Variants in GABPB1 observed in about 807,000 individuals in gnomAD.
GABPB1 encodes the protein GA binding protein transcription factor subunit beta 1.
In GABPB1, 15 loss-of-function variants were observed where a neutral mutation model predicts 45.9. The observed-to-expected ratio is 0.33, with a 90% CI of 0.22 to 0.50. GABPB1 has a LOEUF of 0.50. GABPB1 is among the 20% of genes least tolerant of loss of function. The probability of loss-of-function intolerance (pLI) is 0.98; values close to 1 mark genes in which losing one functional copy is unlikely to be tolerated. For missense variants in GABPB1, 252 were observed against 457.5 expected (o/e 0.55, Z 4.10); for synonymous variants, 143 against 154.4 (o/e 0.93, Z 0.55).
intron 1 of GABPB1, among the ~76,000 whole-genome samples, chr15:50,341,872 A>G (rs183987401): frequency 6.1e-4 from 93 of 152,288 alleles, no homozygotes; most frequent in Non-Finnish European, 4.4e-5. Flanking sequence ...GTTAATTCTG[A>G]CTATACAGTA....
intron 1 of GABPB1, among the ~76,000 whole-genome samples, chr15:50,325,742 A>G (rs1374955976): frequency 2.6e-5 from 4 of 151,810 alleles, no homozygotes; most frequent in Non-Finnish European, 5.9e-5. Context: ...CCTGTTAGCC[A>G]GGATGGTCTC....
rs1036927943 is a variant in GABPB1 at position 50,278,442 on chromosome 15, A to C, written c.*190T>G. Reference sequence around the variant, plus strand: ...AAAACTATTTACAGAATTCAGTTTTAAATACATTTCACAACTTCTAAAGTA... The same window carrying C: ...AAAACTATTTACAGAATTCAGTTTTCAATACATTTCACAACTTCTAAAGTA... On this transcript the variant is annotated 3_prime_UTR_variant, in exon 9 of 9. Coordinates refer to ENST00000380877, the MANE Select transcript of GABPB1 (RefSeq NM_016654.5). 2 of 400,026 alleles carry C rather than the reference A, an allele frequency of 5.0e-6. No homozygotes were observed. Among genetic ancestry groups the C allele is most frequent in the Non-Finnish European group, 8.7e-6 (2 of 228,788 alleles). 24.8% of individuals were successfully genotyped at this position (400,026 alleles called of 1,614,324 possible). A position where few individuals can be genotyped will look rare whatever the true frequency, so the allele number is the denominator to read the frequency against.
At chr15:50,331,403 AT>A (rs2047943458) in intron 1 of GABPB1, among the ~76,000 whole-genome samples, 1 of 152,184 alleles carries the variant, frequency 6.6e-6, no homozygotes, top group African/African-American at 2.4e-5. Context: ...TTAACCAGAG[AT>A]TATTTGACTA....
intron 1 of GABPB1, chr15:50,354,681 G>A (rs901272790): frequency 1.5e-4 from 61 of 414,932 alleles, no homozygotes; most frequent in Non-Finnish European, 2.3e-4. Context: ...GGGTAGCCGC[G>A]AGGCGGCCGC....
chr15:50,294,382 C>A (rs1396993825), intron 6 of GABPB1, among the ~76,000 whole-genome samples: 1 of 152,000 alleles, frequency 6.6e-6, no homozygotes, highest in East Asian at 1.9e-4. Flanking sequence ...GGCGTGGTGG[C>A]ACGTGCCTGT....
intron 3 of GABPB1, 94 bp downstream of exon 3, chr15:50,303,872 A>G (rs2046845196): frequency 6.5e-6 from 6 of 922,926 alleles, no homozygotes; most frequent in African/African-American, 1.7e-5. Context: ...TATAGATAAA[A>G]TACTAAGTAG....
chr15:50,292,591 A>T (rs2046386754), intron 6 of GABPB1, among the ~76,000 whole-genome samples: 1 of 152,206 alleles, frequency 6.6e-6, no homozygotes. Flanking sequence ...GGAGGTTACA[A>T]AAATTCACTG....
intron 8 of GABPB1, among the ~76,000 whole-genome samples, chr15:50,281,039 C>T (rs1379461181): frequency 1.3e-5 from 2 of 152,144 alleles, no homozygotes; most frequent in Non-Finnish European, 2.9e-5. Context: ...TCAAGAAGTA[C>T]AATTTATCTT....
chr15:50,278,880 AGTAGCT>A, intron 8 of GABPB1, 96 bp from the exon 9 acceptor site: 3 of 945,880 alleles, frequency 3.2e-6, no homozygotes, highest in Non-Finnish European at 4.5e-6. Flanking sequence ...AAAAAACCGT[AGTAGCT>A]AAAAGCAGCC....
intron 1 of GABPB1, chr15:50,352,593 C>G (rs1012609458): frequency 1.3e-5 from 2 of 152,242 alleles, no homozygotes; most frequent in African/African-American, 4.8e-5. Context: ...GCCTCCACCT[C>G]CCCAAGTGCT....
At chr15:50,335,392 C>T (rs1377797254) in intron 1 of GABPB1, among the ~76,000 whole-genome samples, 1 of 152,150 alleles carries the variant, frequency 6.6e-6, no homozygotes, top group Non-Finnish European at 1.5e-5. Context: ...CACCTCACCC[C>T]ATAAGACTGA....
rs72023851 is a variant in GABPB1 at position 50,292,992 on chromosome 15, T to TAA, written c.698-3326_698-3325dup. Among the ~76,000 whole-genome samples, 889 of 149,510 alleles carry TAA rather than the reference T, an allele frequency of 5.9e-3. 8 individuals carry two copies. Among genetic ancestry groups the TAA allele is most frequent in the African/African-American group, 0.02 (823 of 40,930 alleles). On this transcript the variant is annotated intron_variant, in intron 6 of 8. Coordinates refer to ENST00000380877, the MANE Select transcript of GABPB1 (RefSeq NM_016654.5). ...TGTGGGTTTGAAAACTGTCTACATA[T>TAA]AAAAAAAAAATTATAACTAGTTCAA...
intron 6 of GABPB1, among the ~76,000 whole-genome samples, chr15:50,296,001 T>C (rs542751947): frequency 6.6e-5 from 10 of 152,208 alleles, no homozygotes; most frequent in Non-Finnish European, 1.3e-4. Context: ...AAAATGGTAC[T>C]AACGTCATTT....
intron 1 of GABPB1, among the ~76,000 whole-genome samples, chr15:50,337,075 GTATATATATA>G (rs869106382): frequency 1.5e-3 from 21 of 14,178 alleles, no homozygotes; most frequent in Admixed American, 3.8e-3. Flanking sequence ...ATATGTGTGT[GTATATATATA>G]TATATATATA....
Position 50,278,799 on chromosome 15 carries a change from A to AC in GABPB1, c.1000-16_1000-15insG, listed in dbSNP as rs1555505612. The AC allele has an allele frequency of 1.3e-6, 2 of 1,493,450 alleles. No individual in the cohort carries two copies. The highest frequency in any genetic ancestry group is 1.8e-6 in the Non-Finnish European group (2 of 1,131,154). 92.5% of individuals were successfully genotyped at this position (1,493,450 alleles called of 1,614,324 possible). A position where few individuals can be genotyped will look rare whatever the true frequency, so the allele number is the denominator to read the frequency against. The stretch of plus-strand genomic sequence containing the variant: ...GCTTCTCTCTCCTAATTAAAAGAAG[A>AC]GGGTTTTTTTTTTAATTTTTGCAAA... On this transcript the variant is annotated splice_polypyrimidine_tract_variant and intron_variant, in intron 8 of 8. Coordinates refer to ENST00000380877, the MANE Select transcript of GABPB1 (RefSeq NM_016654.5).
Position 50,351,009 on chromosome 15 carries a change from C to T in GABPB1, c.-1+3976G>A, listed in dbSNP as rs145910668. On this transcript the variant is annotated intron_variant, in intron 1 of 8. Transcript: ENST00000380877. ...CTCATGATCAAGGTCCTCGTTTATG[C>T]TCTACAGATAAGTGATTTTGACACT... 5 of 152,240 alleles carry T rather than the reference C, an allele frequency of 3.3e-5. No individual in the cohort carries two copies. The South Asian group carries it at 8.3e-4, about 25-fold the overall frequency. 9.4% of individuals were successfully genotyped at this position (152,240 alleles called of 1,614,324 possible).
chr15:50,281,850 C>G (rs1175023538), intron 8 of GABPB1, among the ~76,000 whole-genome samples: 1 of 152,084 alleles, frequency 6.6e-6, no homozygotes, highest in Non-Finnish European at 1.5e-5. Context: ...GCCTGTAATC[C>G]TAGTATTTTG....
intron 1 of GABPB1, among the ~76,000 whole-genome samples, chr15:50,327,028 T>C (rs2047794068): frequency 6.6e-6 from 1 of 152,142 alleles, no homozygotes; most frequent in African/African-American, 2.4e-5. Context: ...GACTATGCCT[T>C]TGCCCAATTC....
At chr15:50,286,248 T>C (rs1475380847) in intron 7 of GABPB1, 65 bp from the exon 8 acceptor site, 6 of 1,134,272 alleles carry the variant, frequency 5.3e-6, no homozygotes, top group Admixed American at 6.2e-5. Context: ...ATAAAACTAG[T>C]CTTGACATTG....
Sources: allele counts gnomAD v4.1 joint callset (sites outside exome capture counted in the v4.1 genomes callset), GRCh38; gene constraint gnomAD v4.1.1; transcripts MANE v1.5; gene names NCBI Gene and HGNC (gene_info 2026-07-23, HGNC 2026-07-21).